PTPRD: variants seen among roughly 807,000 people sequenced by gnomAD.
The protein encoded by PTPRD is protein tyrosine phosphatase receptor type D, also known as receptor-type tyrosine-protein phosphatase delta.
Under a neutral mutation model 214.5 loss-of-function variants are expected in PTPRD, and 34 were observed. The observed-to-expected ratio is 0.16, with a 90% CI of 0.12 to 0.21. The LOEUF (loss-of-function observed/expected upper bound fraction) is 0.21. PTPRD is among the 10% of genes least tolerant of loss of function. The pLI is 1.00. For synonymous variants in PTPRD, 1,128 were observed against 845.7 expected (o/e 1.33, Z -5.79); for missense variants, 2,545 against 2,398.7 (o/e 1.06, Z -1.27).
chr9:9,502,759 T>C (rs541359344), intron 8 of PTPRD, among the ~76,000 whole-genome samples: 11 of 152,042 alleles, frequency 7.2e-5, no homozygotes, highest in Admixed American at 5.9e-4. Context: ...AGGAGCAAAT[T>C]GATGATATAT....
chr9:9,900,641 G>GTTTGGTTTTTTTTTTTTTTTTTT (rs1555302233), intron 5 of PTPRD, among the ~76,000 whole-genome samples: 8 of 120,108 alleles, frequency 6.7e-5, no homozygotes, highest in African/African-American at 2.5e-4. Context: ...ACATTTTCAG[G>GTTTGGTTTTTTTTTTTTTTTTTT]TTTTTTTTTT....
intron 7 of PTPRD, among the ~76,000 whole-genome samples, chr9:9,623,944 C>G (rs1391602233): frequency 6.6e-6 from 1 of 152,018 alleles, no homozygotes; most frequent in South Asian, 2.1e-4. Flanking sequence ...AGTGAAAGTT[C>G]AAAACTGAGG....
chr9:9,437,955 T>C (rs182128280), intron 8 of PTPRD, among the ~76,000 whole-genome samples: 1 of 152,300 alleles, frequency 6.6e-6, no homozygotes, highest in African/African-American at 2.4e-5. Context: ...AACTTTGAAA[T>C]TGCGGTGTCT....
chr9:8,415,290 T>A (rs1452356008), intron 35 of PTPRD, among the ~76,000 whole-genome samples: 5 of 152,182 alleles, frequency 3.3e-5, no homozygotes, highest in Non-Finnish European at 5.9e-5. Flanking sequence ...TTTCTGATAA[T>A]TGCTTTTTCC....
intron 9 of PTPRD, among the ~76,000 whole-genome samples, chr9:9,259,255 C>A (rs530730719): frequency 3.3e-5 from 5 of 151,888 alleles, no homozygotes; most frequent in African/African-American, 1.2e-4. Flanking sequence ...TTATAAAAAG[C>A]TATGTGAGAA....
intron 5 of PTPRD, among the ~76,000 whole-genome samples, chr9:9,834,951 A>G (rs1201278167): frequency 1.3e-5 from 2 of 151,564 alleles, no homozygotes; most frequent in Middle Eastern, 3.2e-3. Flanking sequence ...TTTTTGTTCC[A>G]TCCCAGATAA....
chr9:8,936,426 C>CAAAAAA (rs1339068754), intron 11 of PTPRD, among the ~76,000 whole-genome samples: 1 of 4,150 alleles, frequency 2.4e-4, no homozygotes, highest in Non-Finnish European at 7.9e-4. Context: ...GACCCTGCCT[C>CAAAAAA]CAAAAAAAAA....
intron 11 of PTPRD, among the ~76,000 whole-genome samples, chr9:8,850,937 T>C (rs1453375433): frequency 6.6e-6 from 1 of 152,190 alleles, no homozygotes; most frequent in South Asian, 2.1e-4. Context: ...AAAACATATG[T>C]CTTGTTGACC....
intron 39 of PTPRD, among the ~76,000 whole-genome samples, chr9:8,366,150 C>G (rs889895603): frequency 3.3e-5 from 5 of 152,098 alleles, no homozygotes; most frequent in African/African-American, 1.2e-4. Flanking sequence ...GAAATATTCT[C>G]AAAATAATCA....
At chr9:9,057,159 C>G (rs2099697846) in intron 10 of PTPRD, among the ~76,000 whole-genome samples, 1 of 152,100 alleles carries the variant, frequency 6.6e-6, no homozygotes, top group Admixed American at 6.6e-5. Context: ...AACAGAAGAT[C>G]ACCTTCTCTA....
At chr9:9,108,389 T>C (rs892165555) in intron 10 of PTPRD, among the ~76,000 whole-genome samples, 4 of 152,098 alleles carry the variant, frequency 2.6e-5, no homozygotes, top group African/African-American at 9.7e-5. Flanking sequence ...GCGGTTGCAT[T>C]AGTTTAGGTA....
chr9:8,992,600 A>G (rs1420279908), intron 11 of PTPRD, among the ~76,000 whole-genome samples: 1 of 152,186 alleles, frequency 6.6e-6, no homozygotes, highest in Non-Finnish European at 1.5e-5. Flanking sequence ...GATAGGGTTC[A>G]AGATACATCG....
chr9:8,875,564 A>C (rs550056693), intron 11 of PTPRD, among the ~76,000 whole-genome samples: 2 of 152,322 alleles, frequency 1.3e-5, no homozygotes, highest in South Asian at 4.1e-4. Context: ...TTCAAGCATA[A>C]GGTAAACATC....
At position 8,317,960 on chromosome 9, in the gene PTPRD, T is replaced by C; in HGVS notation, c.5671-18A>G. The stretch of plus-strand genomic sequence containing the variant: ...TATTGATCCTGCAGGAGACAATGAA[T>C]GGGGAGAAGCAAAAGAAGGGACCAT... On this transcript the variant is annotated intron_variant, in intron 45 of 45. Coordinates refer to ENST00000381196, the MANE Select transcript of PTPRD (RefSeq NM_002839.4). The C allele has an allele frequency of 6.2e-7, 1 of 1,608,496 alleles. No homozygotes were observed.
intron 3 of PTPRD, among the ~76,000 whole-genome samples, chr9:10,196,742 T>C (rs1440920855): frequency 1.3e-5 from 2 of 152,138 alleles, no homozygotes; most frequent in Non-Finnish European, 2.9e-5. Flanking sequence ...CATAGTGCAG[T>C]GGACTGAATG....
At chr9:9,103,330 C>T (rs1357543288) in intron 10 of PTPRD, among the ~76,000 whole-genome samples, 8 of 151,840 alleles carry the variant, frequency 5.3e-5, no homozygotes, top group Non-Finnish European at 1.5e-5. Context: ...ACTTTACAGA[C>T]AGCATAATGA....
At chr9:8,994,859 C>G (rs1017762289) in intron 11 of PTPRD, among the ~76,000 whole-genome samples, 1 of 152,048 alleles carries the variant, frequency 6.6e-6, no homozygotes, top group African/African-American at 2.4e-5. Flanking sequence ...TAAAAATACT[C>G]TTAGTTGTTC....
At chr9:8,742,380 G>C (rs1478568080) in intron 11 of PTPRD, among the ~76,000 whole-genome samples, 1 of 152,022 alleles carries the variant, frequency 6.6e-6, no homozygotes, top group Non-Finnish European at 1.5e-5. Context: ...CATTTTACAT[G>C]ATCTGTCTTG....
At chr9:9,238,489 G>T (rs571571700) in intron 9 of PTPRD, among the ~76,000 whole-genome samples, 1 of 152,130 alleles carries the variant, frequency 6.6e-6, no homozygotes, top group East Asian at 1.9e-4. Flanking sequence ...GGAAGGCCTC[G>T]GGCATCTGAT....
Sources: allele counts gnomAD v4.1 joint callset (sites outside exome capture counted in the v4.1 genomes callset), GRCh38; gene constraint gnomAD v4.1.1; transcripts MANE v1.5; gene names NCBI Gene and HGNC (gene_info 2026-07-23, HGNC 2026-07-21).